Variants in CFTR observed in about 807,000 individuals in gnomAD.
The protein encoded by CFTR is cystic fibrosis transmembrane conductance regulator.
A neutral mutation model predicts 171.6 loss-of-function variants in CFTR; 181 were observed. The observed-to-expected ratio is 1.05, with a 90% CI of 0.93 to 1.19. The LOEUF (loss-of-function observed/expected upper bound fraction) is 1.19. Ranked by LOEUF, CFTR falls within the 50% of genes most tolerant of loss-of-function variation. The pLI is 0.00. For synonymous variants in CFTR, 583 were observed against 608.0 expected, an observed-to-expected ratio of 0.96 and a Z score of 0.60; for missense variants, 1,968 against 1,734.7, an observed-to-expected ratio of 1.13 and a Z score of -2.39.
At chr7:117,563,381 C>T (rs930224993) in intron 11 of CFTR, among the ~76,000 whole-genome samples, 1 of 152,020 alleles carries the variant, frequency 6.6e-6, no homozygotes, top group African/African-American at 2.4e-5. Context: ...TCATGATGGA[C>T]AGGAAGAGAC....
intron 10 of CFTR, among the ~76,000 whole-genome samples, chr7:117,558,521 T>TA (rs578108897): frequency 1.7e-3 from 259 of 151,572 alleles, no homozygotes; most frequent in Non-Finnish European, 2.6e-3. Flanking sequence ...GCCACTGCAC[T>TA]CTAGCCTGGG....
chr7:117,533,911 G>T (rs567265925), intron 4 of CFTR, among the ~76,000 whole-genome samples: 47 of 152,130 alleles, frequency 3.1e-4, no homozygotes, highest in African/African-American at 1.1e-3. Flanking sequence ...AAAAATTCAA[G>T]GCCAAGGCTT....
At chr7:117,641,497 G>T (rs952856341) in intron 22 of CFTR, among the ~76,000 whole-genome samples, 4 of 152,220 alleles carry the variant, frequency 2.6e-5, no homozygotes, top group African/African-American at 9.6e-5. Context: ...GTATATAAAG[G>T]CCAAATGACT....
chr7:117,592,799 A>T, intron 14 of CFTR, 142 bp downstream of exon 14: 1 of 623,278 alleles, frequency 1.6e-6, no homozygotes, highest in Non-Finnish European at 2.4e-6. Context: ...GAAGTTCATT[A>T]ATTATACAAG....
intron 24 of CFTR, among the ~76,000 whole-genome samples, chr7:117,661,233 AG>A (rs1256357501): frequency 6.6e-6 from 1 of 152,222 alleles, no homozygotes; most frequent in Admixed American, 6.5e-5. Flanking sequence ...GATTCTAAAA[AG>A]CTTTTTACTA....
At chr7:117,547,977 A>G (rs1239070789) in intron 9 of CFTR, among the ~76,000 whole-genome samples, 5 of 152,188 alleles carry the variant, frequency 3.3e-5, no homozygotes, top group Non-Finnish European at 5.9e-5. Context: ...TTTGAAGACC[A>G]CTATGCTAAA....
chr7:117,562,479 C>T (rs1791525359), intron 11 of CFTR, among the ~76,000 whole-genome samples: 1 of 152,156 alleles, frequency 6.6e-6, no homozygotes, highest in Non-Finnish European at 1.5e-5. Flanking sequence ...AAGAAAACAG[C>T]ATAAGATCCT....
chr7:117,610,844 A>T (rs1468420403), intron 19 of CFTR, among the ~76,000 whole-genome samples, 175 bp downstream of exon 19: 1 of 152,202 alleles, frequency 6.6e-6, no homozygotes, highest in East Asian at 1.9e-4. Context: ...CAAAGTACAC[A>T]TGGATTTTTT....
chr7:117,558,011 C>T (rs1439458160), intron 10 of CFTR, among the ~76,000 whole-genome samples: 3 of 151,992 alleles, frequency 2.0e-5, no homozygotes, highest in Non-Finnish European at 2.9e-5. Flanking sequence ...AAGGGCATAG[C>T]TCTGTGGCAT....
intron 11 of CFTR, among the ~76,000 whole-genome samples, chr7:117,583,992 C>T (rs1230513790): frequency 6.6e-6 from 1 of 151,810 alleles, no homozygotes; most frequent in Non-Finnish European, 1.5e-5. Flanking sequence ...CTATTCTGTC[C>T]TTTGCCCACT....
Position 117,614,706 on chromosome 7 carries a change from A to G in CFTR, c.3461A>G (p.Asp1154Gly), listed in dbSNP as rs397508569. 1.9e-6 allele frequency: 3 copies of G among 1,607,908 alleles called. No homozygotes were observed. Among genetic ancestry groups the G allele is most frequent in the Non-Finnish European group, 1.7e-6 (2 of 1,174,664 alleles). The change falls in exon 21 of 27, where the codon GAT (aspartate) becomes GGT (glycine). Residue 1154 changes from aspartate (D) to glycine (G), a missense_variant. Coordinates refer to ENST00000003084, the MANE Select transcript of CFTR (RefSeq NM_000492.4). The part of the protein sequence containing the change: ...QWAVNSSIDV[D>G]SLMRSVSRVF... ...GCTGTAAACTCCAGCATAGATGTGG[A>G]TAGCTTGGTAAGTCTTATCATCTTT...
At chr7:117,606,059 T>C (rs1476086809) in intron 17 of CFTR, among the ~76,000 whole-genome samples, 1 of 152,212 alleles carries the variant, frequency 6.6e-6, no homozygotes, top group Non-Finnish European at 1.5e-5. Flanking sequence ...TGGACACTTG[T>C]ATATAACCTT....
chr7:117,665,573 T>C lies in CFTR; in HGVS notation c.4242+9T>C. On this transcript the variant is annotated intron_variant, in intron 26 of 26. Coordinates refer to ENST00000003084, the MANE Select transcript of CFTR (RefSeq NM_000492.4). ...AATGCCAACAATTTTTGGTGAGTCT[T>C]TATAACTTTACTTAAGATCTCATTG... The C allele has an allele frequency of 1.3e-6, 2 of 1,533,772 alleles. No individual in the cohort carries two copies. The highest frequency in any genetic ancestry group is 1.7e-4 in the Middle Eastern group (1 of 5,910).
intron 22 of CFTR, among the ~76,000 whole-genome samples, chr7:117,630,927 G>A (rs968666275): frequency 6.6e-6 from 1 of 152,202 alleles, no homozygotes; most frequent in Non-Finnish European, 1.5e-5. Flanking sequence ...GTTCAGTCAG[G>A]TTGGGGGATG....
intron 22 of CFTR, among the ~76,000 whole-genome samples, chr7:117,641,995 C>A (rs770804417): frequency 6.6e-6 from 1 of 152,158 alleles, no homozygotes; most frequent in Non-Finnish European, 1.5e-5. Context: ...TTAGGGTCAA[C>A]ATCTAAATAT....
At chr7:117,516,559 G>A (rs186168611) in intron 3 of CFTR, among the ~76,000 whole-genome samples, 2 of 152,292 alleles carry the variant, frequency 1.3e-5, no homozygotes, top group East Asian at 3.9e-4. Context: ...ACCAGGTTGT[G>A]TTATAACAGT....
chr7:117,542,013 T>C lies in CFTR; in HGVS notation c.1117-3T>C, dbSNP rs1469814279. The stretch of plus-strand genomic sequence containing the variant: ...ATATGTTTTTGCTCTCTTTTATAAA[T>C]AGGATTTCTTACAAAAGCAAGAATA... On this transcript the variant is annotated splice_region_variant and splice_polypyrimidine_tract_variant and intron_variant, in intron 8 of 26. Coordinates refer to ENST00000003084, the MANE Select transcript of CFTR (RefSeq NM_000492.4). The C allele has an allele frequency of 5.6e-6, 8 of 1,418,824 alleles. No homozygotes were observed. The highest frequency in any genetic ancestry group is 8.0e-6 in the Non-Finnish European group (8 of 1,002,506). 87.9% of individuals were successfully genotyped at this position (1,418,824 alleles called of 1,614,324 possible).
intron 1 of CFTR, among the ~76,000 whole-genome samples, chr7:117,485,231 T>C (rs1455823510): frequency 6.6e-6 from 1 of 152,118 alleles, no homozygotes; most frequent in Non-Finnish European, 1.5e-5. Flanking sequence ...TCAGGAAGGG[T>C]GTTAACTATT....
At chr7:117,635,774 T>C (rs1286368339) in intron 22 of CFTR, among the ~76,000 whole-genome samples, 1 of 152,128 alleles carries the variant, frequency 6.6e-6, no homozygotes, top group Non-Finnish European at 1.5e-5. Context: ...TCTTGTATTA[T>C]AGCTATAATT....
Sources: allele counts gnomAD v4.1 joint callset (sites outside exome capture counted in the v4.1 genomes callset), GRCh38; gene constraint gnomAD v4.1.1; transcripts MANE v1.5; gene names NCBI Gene and HGNC (gene_info 2026-07-23, HGNC 2026-07-21).